ADGRD1: variants seen among roughly 807,000 people sequenced by gnomAD.
The protein encoded by ADGRD1 is adhesion G protein-coupled receptor D1, also known as G-protein coupled receptor 133.
Under a neutral mutation model 113.4 loss-of-function variants are expected in ADGRD1, and 77 were observed. That is an observed-to-expected ratio of 0.68 (90% confidence interval 0.57 to 0.82). The LOEUF (loss-of-function observed/expected upper bound fraction) is 0.82. Among genes scored for constraint, ADGRD1 ranks in the 40% least tolerant of loss-of-function variants. The pLI, the probability that ADGRD1 is intolerant of heterozygous loss-of-function variation, is 0.00. For synonymous variants in ADGRD1, 474 were observed against 475.0 expected (o/e 1.00, Z 0.03); for missense variants, 1,036 against 1,139.1 (o/e 0.91, Z 1.30).
intron 13 of ADGRD1, among the ~76,000 whole-genome samples, chr12:131,034,373 G>A (rs1028325484): frequency 3.3e-5 from 5 of 152,160 alleles, no homozygotes; most frequent in African/African-American, 9.7e-5. Context: ...CGCCACTGCC[G>A]ACCTGACTGT....
At chr12:131,009,146 A>C (rs1593348859) in intron 12 of ADGRD1, among the ~76,000 whole-genome samples, 1 of 152,338 alleles carries the variant, frequency 6.6e-6, no homozygotes, top group East Asian at 1.9e-4. Flanking sequence ...GGCCACACTC[A>C]ACATTATCAA....
Position 130,966,600 on chromosome 12 carries a change from A to G in ADGRD1, c.187+54A>G. 9.1e-7 allele frequency: 1 copy of G among 1,101,230 alleles called. No individual in the cohort carries two copies. Among genetic ancestry groups the G allele is most frequent in the Non-Finnish European group, 1.4e-6 (1 of 712,838 alleles). The allele number at this position is 1,101,230 out of a possible 1,614,324, so 68.2% of individuals were successfully genotyped here. ...TGGGCGCGGGAATCCCAGGGCCATC[A>G]GGAGGCGTGGGTGCTGAGAGTGGCT... On this transcript the variant is annotated intron_variant, in intron 3 of 24. Transcript: ENST00000261654. The surrounding 1 kb of genome is among the most constrained non-coding windows in gnomAD (Gnocchi z 4.6).
Position 131,084,635 on chromosome 12 carries a change from C to T in ADGRD1, c.1643C>T (p.Ala548Val), listed in dbSNP as rs1054770878. Residue 548 changes from alanine (A) to valine (V), a missense_variant, in exon 15 of 25, where the codon GCC becomes GTC. Coordinates refer to ENST00000261654, the MANE Select transcript of ADGRD1 (RefSeq NM_198827.5). This position sits in a 1 kb window ranked among gnomAD's most constrained non-coding sequence, Gnocchi z 4.5. The part of the protein sequence containing the change: ...VCRCTHLTNF[A>V]ILMQVVPLEL... Reference sequence around the variant, plus strand: ...CGCTGCACTCACCTCACCAACTTTGCCATCCTCATGCAGGTGGTCCCGCTG... The same window carrying T: ...CGCTGCACTCACCTCACCAACTTTGTCATCCTCATGCAGGTGGTCCCGCTG... 2 of 1,614,146 alleles carry T rather than the reference C, an allele frequency of 1.2e-6. No homozygotes were observed. The highest frequency in any genetic ancestry group is 8.5e-7 in the Non-Finnish European group (1 of 1,180,016).
chr12:131,002,811 C>CA (rs1159120092), intron 9 of ADGRD1: 2 of 1,234,386 alleles, frequency 1.6e-6, no homozygotes, highest in Non-Finnish European at 2.1e-6. Flanking sequence ...TGGGGGCGAT[C>CA]AGCCCCTCCT....
At chr12:130,998,810 TAGC>T (rs1465437706) in intron 8 of ADGRD1, among the ~76,000 whole-genome samples, 2 of 152,194 alleles carry the variant, frequency 1.3e-5, no homozygotes, top group African/African-American at 4.8e-5. Flanking sequence ...ACCTGTCCAC[TAGC>T]AGCTGGACGG....
rs1247413100 is a variant in ADGRD1 at position 131,050,519 on chromosome 12, G to A, written c.1474-26282G>A. Among the ~76,000 whole-genome samples, 2 of 152,152 alleles carry A rather than the reference G, an allele frequency of 1.3e-5. No homozygotes were observed. The highest frequency in any genetic ancestry group is 1.5e-5 in the Non-Finnish European group (1 of 68,034). ...GAAGCATGGTGCTGACCTCTGCTCA[G>A]CTTCTGGGAAGGCCTCCGGGAGCTA... is the stretch of plus-strand genomic sequence containing the variant. On this transcript the variant is annotated intron_variant, in intron 13 of 24. Transcript: ENST00000261654. The surrounding 1 kb of genome is among the most constrained non-coding windows in gnomAD (Gnocchi z 4.8).
At chr12:131,081,640 G>A (rs1464988956) in intron 14 of ADGRD1, among the ~76,000 whole-genome samples, 2 of 152,200 alleles carry the variant, frequency 1.3e-5, no homozygotes, top group East Asian at 3.9e-4. Context: ...CACCATAAAC[G>A]CAATGCATTG....
chr12:130,986,664 ATT>A (rs1873729811), intron 5 of ADGRD1: 3 of 162,204 alleles, frequency 1.8e-5, no homozygotes, highest in Non-Finnish European at 4.1e-5. Flanking sequence ...GCCTTATTGC[ATT>A]AGTTAGGACT....
chr12:131,032,483 T>C (rs1021162660), intron 13 of ADGRD1, among the ~76,000 whole-genome samples: 18 of 152,278 alleles, frequency 1.2e-4, no homozygotes, highest in African/African-American at 4.1e-4. Context: ...TTTCCCCGAG[T>C]GTTCTTGCTG....
At chr12:131,028,746 C>T (rs1047482478) in intron 13 of ADGRD1, among the ~76,000 whole-genome samples, 4 of 152,166 alleles carry the variant, frequency 2.6e-5, no homozygotes, top group Non-Finnish European at 4.4e-5. Flanking sequence ...ACGGGAGGGG[C>T]GACGTGGCTG....
At chr12:130,977,712 G>C (rs965838109) in intron 4 of ADGRD1, 1 of 152,364 alleles carries the variant, frequency 6.6e-6, no homozygotes, top group Non-Finnish European at 1.5e-5. Context: ...TGGTGATTCT[G>C]ATAGGCCCAG....
intron 17 of ADGRD1, among the ~76,000 whole-genome samples, chr12:131,107,549 G>T (rs930390503): frequency 6.6e-6 from 1 of 150,792 alleles, no homozygotes; most frequent in Non-Finnish European, 1.5e-5. Flanking sequence ...AGAGACCTGG[G>T]TCAGAATCCC....
At chr12:131,030,601 C>A (rs1057452460) in intron 13 of ADGRD1, 1 of 152,228 alleles carries the variant, frequency 6.6e-6, no homozygotes, top group Non-Finnish European at 1.5e-5. Flanking sequence ...CAAGGCCGGA[C>A]GAGGGGTCTC....
chr12:131,035,298 A>G (rs1881254997), intron 13 of ADGRD1: 1 of 152,324 alleles, frequency 6.6e-6, no homozygotes, highest in South Asian at 2.1e-4. Context: ...GTGGCTGTAG[A>G]GTGCACAATT....
intron 13 of ADGRD1, among the ~76,000 whole-genome samples, chr12:131,076,066 C>T (rs147678272): frequency 3.2e-4 from 49 of 152,288 alleles, no homozygotes; most frequent in African/African-American, 1.1e-3. Flanking sequence ...CAGAGTCCTC[C>T]GAGCTGGCAC....
At chr12:130,996,737 T>G (rs1314702240) in intron 8 of ADGRD1, among the ~76,000 whole-genome samples, 6 of 47,470 alleles carry the variant, frequency 1.3e-4, no homozygotes, top group East Asian at 1.3e-3. Flanking sequence ...CCGGACGGGG[T>G]GGCTGGCCGG....
chr12:131,013,439 G>A (rs1322005713), intron 12 of ADGRD1, among the ~76,000 whole-genome samples: 1 of 152,130 alleles, frequency 6.6e-6, no homozygotes, highest in Non-Finnish European at 1.5e-5. Context: ...GAGAAGTCTG[G>A]CAGGGAGAAT....
intron 13 of ADGRD1, among the ~76,000 whole-genome samples, chr12:131,045,934 C>T (rs1383003195): frequency 4.6e-5 from 7 of 151,770 alleles, no homozygotes; most frequent in African/African-American, 1.7e-4. Flanking sequence ...TGGTGGTGCT[C>T]CCGCCCTGGT....
chr12:131,052,008 TCTC>T (rs1429572513), intron 13 of ADGRD1, among the ~76,000 whole-genome samples: 9 of 152,174 alleles, frequency 5.9e-5, no homozygotes, highest in African/African-American at 1.9e-4. Flanking sequence ...TATGTTGAGA[TCTC>T]CTCCTCCTGC....
Sources: allele counts gnomAD v4.1 joint callset (sites outside exome capture counted in the v4.1 genomes callset), GRCh38; gene constraint gnomAD v4.1.1; non-coding constraint Gnocchi (gnomAD v3.1); transcripts MANE v1.5; gene names NCBI Gene and HGNC (gene_info 2026-07-23, HGNC 2026-07-21).